DAB1: variants seen among roughly 807,000 people sequenced by gnomAD.
DAB1 encodes DAB adaptor protein 1.
A neutral mutation model predicts 64.6 loss-of-function variants in DAB1; 15 were observed. That is an observed-to-expected ratio of 0.23 (90% CI 0.16 to 0.36). DAB1 has a LOEUF of 0.36. DAB1 is among the 10% of genes least tolerant of loss of function. The pLI is 1.00. For missense variants in DAB1, 596 were observed against 706.7 expected (o/e 0.84, Z 1.78); for synonymous variants, 235 against 251.9 (o/e 0.93, Z 0.64).
intron 1 of DAB1, among the ~76,000 whole-genome samples, chr1:57,379,762 A>G (rs1367092396): frequency 6.6e-6 from 1 of 152,172 alleles, no homozygotes; most frequent in African/African-American, 2.4e-5. Flanking sequence ...CAAGCCACCT[A>G]TAGACTATGA....
intron 6 of DAB1, among the ~76,000 whole-genome samples, chr1:57,716,401 G>A (rs1039697317): frequency 6.6e-6 from 1 of 152,130 alleles, no homozygotes; most frequent in Non-Finnish European, 1.5e-5. Flanking sequence ...ATATAGACCA[G>A]TGGAACAGTG....
At chr1:58,380,269 A>G (rs925483957) in intron 3 of DAB1, among the ~76,000 whole-genome samples, 4 of 152,224 alleles carry the variant, frequency 2.6e-5, no homozygotes, top group Non-Finnish European at 5.9e-5. Flanking sequence ...GTGAGCTCTC[A>G]TAAGATCAGA....
intron 4 of DAB1, among the ~76,000 whole-genome samples, chr1:57,098,288 T>C (rs1171353058): frequency 2.6e-5 from 4 of 152,230 alleles, no homozygotes; most frequent in Non-Finnish European, 4.4e-5. Flanking sequence ...ATTTATATAG[T>C]ATCTAATCTT....
At chr1:57,859,974 T>C (rs147273351) in intron 1 of DAB1, among the ~76,000 whole-genome samples, 11 of 152,322 alleles carry the variant, frequency 7.2e-5, no homozygotes, top group African/African-American at 2.6e-4. Context: ...TGTGTTCTGA[T>C]CTTCAGAGCT....
chr1:57,460,657 G>C (rs1686751438), intron 7 of DAB1, among the ~76,000 whole-genome samples: 1 of 152,124 alleles, frequency 6.6e-6, no homozygotes. Flanking sequence ...CAGCAGGGGA[G>C]GAGTAGAGAC....
intron 6 of DAB1, among the ~76,000 whole-genome samples, chr1:57,752,751 G>A (rs866279850): frequency 3.9e-5 from 6 of 152,130 alleles, no homozygotes; most frequent in Non-Finnish European, 5.9e-5. Context: ...TATGCTGTTT[G>A]AGCCTCCCCC....
At chr1:57,171,307 C>T (rs1196306141) in intron 2 of DAB1, among the ~76,000 whole-genome samples, 1 of 152,138 alleles carries the variant, frequency 6.6e-6, no homozygotes, top group Non-Finnish European at 1.5e-5. Flanking sequence ...TAAAACTGCT[C>T]AATTAATATG....
intron 3 of DAB1, among the ~76,000 whole-genome samples, chr1:58,447,692 A>G (rs573376267): frequency 1.3e-5 from 2 of 152,330 alleles, no homozygotes; most frequent in South Asian, 4.1e-4. Context: ...GTGAGCTCGG[A>G]TGAACAATCA....
intron 7 of DAB1, among the ~76,000 whole-genome samples, chr1:57,500,970 T>C (rs887610133): frequency 6.6e-6 from 1 of 152,192 alleles, no homozygotes; most frequent in African/African-American, 2.4e-5. Context: ...AAAGCTCAAT[T>C]TATAAAAATG....
intron 2 of DAB1, among the ~76,000 whole-genome samples, chr1:57,218,529 A>C (rs1480605279): frequency 6.7e-6 from 1 of 150,344 alleles, no homozygotes; most frequent in Non-Finnish European, 1.5e-5. Flanking sequence ...AAAAAAAAAA[A>C]AAAAAAAAAA....
intron 3 of DAB1, among the ~76,000 whole-genome samples, chr1:58,455,287 G>T (rs1214287681): frequency 6.6e-6 from 1 of 152,256 alleles, no homozygotes; most frequent in Non-Finnish European, 1.5e-5. Flanking sequence ...ACACTGTAGA[G>T]TTGCCCTTCC....
At chr1:57,911,510 C>T (rs78390423) in intron 5 of DAB1, among the ~76,000 whole-genome samples, 2,766 of 152,236 alleles carry the variant, frequency 0.018, 38 homozygotes, top group Non-Finnish European at 0.025. Context: ...GATCTCAGGC[C>T]TCTTCCTTGA....
chr1:57,832,239 T>G (rs1652621592), intron 1 of DAB1, among the ~76,000 whole-genome samples: 1 of 152,138 alleles, frequency 6.6e-6, no homozygotes, highest in Admixed American at 6.5e-5. Context: ...AGTAACTAGA[T>G]GAAGAGAGGG....
intron 3 of DAB1, among the ~76,000 whole-genome samples, chr1:58,402,564 T>C (rs1644580625): frequency 6.6e-6 from 1 of 151,996 alleles, no homozygotes; most frequent in Non-Finnish European, 1.5e-5. Context: ...ATCTCAATAC[T>C]TGGAACAGTT....
At chr1:57,873,329 G>A (rs1643986300) in intron 1 of DAB1, among the ~76,000 whole-genome samples, 1 of 152,114 alleles carries the variant, frequency 6.6e-6, no homozygotes, top group Admixed American at 6.5e-5. Flanking sequence ...TGAGAGCAGG[G>A]TCTGCTTGCT....
At chr1:58,099,539 C>T (rs1359957573) in intron 5 of DAB1, among the ~76,000 whole-genome samples, 5 of 152,142 alleles carry the variant, frequency 3.3e-5, no homozygotes, top group Non-Finnish European at 7.3e-5. Flanking sequence ...ATTTGCTATG[C>T]GCCAGGCAGG....
chr1:57,153,129 G>A lies in DAB1; in HGVS notation c.68-7700C>T, dbSNP rs116105728. ...CAATCTCTGCCTCCCGGGTTCGAGC[G>A]ATTCTCGTGCCTCAGCCACCCGAAT... is the stretch of plus-strand genomic sequence containing the variant. On this transcript the variant is annotated intron_variant, in intron 2 of 14. Transcript: ENST00000371236. Among the ~76,000 whole-genome samples, 1,341 of 152,182 alleles carry A rather than the reference G, an allele frequency of 8.8e-3. 24 individuals are homozygous for A. Among genetic ancestry groups the A allele is most frequent in the African/African-American group, 0.029 (1,206 of 41,514 alleles).
intron 2 of DAB1, among the ~76,000 whole-genome samples, chr1:57,265,881 G>C (rs1351000289): frequency 6.6e-6 from 1 of 152,184 alleles, no homozygotes; most frequent in African/African-American, 2.4e-5. Flanking sequence ...AACTTCTCAT[G>C]TAAGCAAACT....
In DAB1 at chr1:57,261,465, A is replaced by AC. The variant is rs567129154; in HGVS notation, c.67+29498dup. On this transcript the variant is annotated intron_variant, in intron 2 of 14. Coordinates refer to ENST00000371236, the MANE Select transcript of DAB1 (RefSeq NM_001365792.1). Reference sequence around the variant, plus strand: ...TACTTATTTAGCAAGTGTGTTGTTTACTCTGCTCTCTGCTCCCACTGACTG... The same window carrying AC: ...TACTTATTTAGCAAGTGTGTTGTTTACCTCTGCTCTCTGCTCCCACTGACTG... Among the ~76,000 whole-genome samples the AC allele has an allele frequency of 6.1e-4, 93 of 152,150 alleles. 1 individual carries two copies. In the South Asian group the frequency reaches 0.017, roughly 28 times the overall value.
Sources: gnomAD v4.1 joint callset for allele counts (sites outside exome capture counted in the v4.1 genomes callset) on GRCh38, gnomAD v4.1.1 for gene constraint, MANE v1.5 for transcripts, NCBI Gene and HGNC (gene_info 2026-07-23, HGNC 2026-07-21) for gene names.